Variants in MTIF2 observed in about 807,000 individuals in gnomAD.
The protein encoded by MTIF2 is mitochondrial translational initiation factor 2, also known as translation initiation factor IF-2, mitochondrial.
MTIF2 carries 71 observed loss-of-function variants against 83.5 expected under a neutral mutation model. The observed-to-expected ratio is 0.85, with a 90% CI of 0.70 to 1.04. The LOEUF (loss-of-function observed/expected upper bound fraction) is 1.04. Ranked by LOEUF, MTIF2 falls within the 50% of genes least tolerant of loss-of-function variation. MTIF2 has a pLI of 0.00. For synonymous variants in MTIF2, 319 were observed against 287.1 expected (o/e 1.11, Z -1.12); for missense variants, 957 against 846.5 (o/e 1.13, Z -1.62).
chr2:55,242,195 T>G (rs919704228), intron 13 of MTIF2, among the ~76,000 whole-genome samples: 2 of 151,768 alleles, frequency 1.3e-5, no homozygotes, highest in African/African-American at 4.8e-5. Context: ...CAATACACTA[T>G]CTGTATTACA....
At chr2:55,253,017 G>C (rs377094480) in intron 7 of MTIF2, among the ~76,000 whole-genome samples, 1 of 152,220 alleles carries the variant, frequency 6.6e-6, no homozygotes, top group Admixed American at 6.5e-5. Flanking sequence ...CTGAGCCACA[G>C]AGAGGCAATT....
At position 55,263,957 on chromosome 2, in the gene MTIF2, C is replaced by T. The variant is rs1558584114; in HGVS notation, c.-7-92G>A. 9 of 920,404 alleles carry T rather than the reference C, an allele frequency of 9.8e-6. No homozygotes were observed. The Admixed American group carries it at 1.7e-4, about 17-fold the overall frequency. The allele number at this position is 920,404 out of a possible 1,614,324, so 57.0% of individuals were successfully genotyped here. ...ACTATATGCATAGCACTGGACTACA[C>T]TTAGCTCACTAGACTTACAACAATG... On this transcript the variant is annotated intron_variant, in intron 3 of 15. Transcript: ENST00000263629.
At position 55,240,168 on chromosome 2, in the gene MTIF2, T is replaced by C. The variant is rs1676197943; in HGVS notation, c.1713A>G (p.Ile571Met). Residue 571 changes from isoleucine to methionine, a missense_variant, in exon 14 of 16, where the codon ATA becomes ATG. Ile to Met is a conservative substitution (Grantham distance 10). Around this residue, in one of 3 missense-constraint regions of MTIF2, gnomAD observed 221 missense variants for 180.6 expected, o/e 1.22. Transcript: ENST00000263629. ...TGCCTGCATTCACATTAAAGCCATATATAACACCTAGCAAACAGAAATATG... is the reference window on the plus strand; with the variant it reads ...TGCCTGCATTCACATTAAAGCCATACATAACACCTAGCAAACAGAAATATG... Reference protein sequence around the residue: ...VNLAETFDGVIYGFNVNAGNV... With the variant: ...VNLAETFDGVMYGFNVNAGNV... 1.2e-6 allele frequency: 2 copies of C among 1,609,284 alleles called. No homozygotes were observed. The highest frequency in any genetic ancestry group is 1.7e-5 in the Admixed American group (1 of 59,854).
chr2:55,255,444 A>AAT lies in MTIF2; in HGVS notation c.332-621_332-620dup, dbSNP rs199595431. Among the ~76,000 whole-genome samples, 60 of 146,270 alleles carry AAT rather than the reference A, an allele frequency of 4.1e-4. 1 individual carries two copies. Among genetic ancestry groups the AAT allele is most frequent in the South Asian group, 8.4e-4 (4 of 4,750 alleles). On this transcript the variant is annotated intron_variant, in intron 5 of 15. Coordinates refer to ENST00000263629, the MANE Select transcript of MTIF2 (RefSeq NM_002453.3). ...TATCTCAATATGATATATTATGTATAATATATATATATAAATCAAATATGT... is the reference window on the plus strand; with the variant it reads ...TATCTCAATATGATATATTATGTATAATATATATATATATAAATCAAATATGT...
chr2:55,261,343 C>T (rs915046469), intron 5 of MTIF2, among the ~76,000 whole-genome samples: 4 of 151,974 alleles, frequency 2.6e-5, no homozygotes, highest in Non-Finnish European at 4.4e-5. Context: ...GGTGGGATCA[C>T]GCCCCTAATC....
chr2:55,239,356 G>A (rs930144101), intron 14 of MTIF2, among the ~76,000 whole-genome samples: 1 of 152,294 alleles, frequency 6.6e-6, no homozygotes, highest in South Asian at 2.1e-4. Flanking sequence ...AAAACATCAC[G>A]TGTGCATGGA....
intron 13 of MTIF2, among the ~76,000 whole-genome samples, chr2:55,241,134 C>G (rs1348919393): frequency 6.6e-6 from 1 of 151,356 alleles, no homozygotes; most frequent in Non-Finnish European, 1.5e-5. Flanking sequence ...AAAAATTAAC[C>G]TGGACGGGCA....
At chr2:55,240,523 G>A (rs113094024) in intron 13 of MTIF2, among the ~76,000 whole-genome samples, 84 of 152,192 alleles carry the variant, frequency 5.5e-4, no homozygotes, top group African/African-American at 2.0e-3. Flanking sequence ...AGGTTGCAGT[G>A]AGCTGAGATC....
At chr2:55,237,552 AG>A in intron 14 of MTIF2, 124 bp from the exon 15 acceptor site, 1 of 850,716 alleles carries the variant, frequency 1.2e-6, no homozygotes, top group African/African-American at 1.8e-5. Context: ...CCTAGAAAAA[AG>A]TCTGGGTTTC....
Position 55,244,248 on chromosome 2 carries a change from A to G in MTIF2, c.1107-15T>C, listed in dbSNP as rs1161823483. The stretch of plus-strand genomic sequence containing the variant: ...TAGTAACAAGACTAAAATGAAAATA[A>G]AAGTATATTTTCAATGTCATAATGT... On this transcript the variant is annotated splice_polypyrimidine_tract_variant and intron_variant, in intron 10 of 15. Transcript: ENST00000263629. 1 of 1,572,386 alleles carries G rather than the reference A, an allele frequency of 6.4e-7. No homozygotes were observed. Among genetic ancestry groups the G allele is most frequent in the South Asian group, 1.1e-5 (1 of 89,380 alleles).
At chr2:55,252,749 T>G in intron 7 of MTIF2, 96 bp from the exon 8 acceptor site, 1 of 817,706 alleles carries the variant, frequency 1.2e-6, no homozygotes, top group South Asian at 2.4e-5. Context: ...CATCAATAAT[T>G]CTTTAAAATA....
At chr2:55,239,685 A>G (rs1486570332) in intron 14 of MTIF2, among the ~76,000 whole-genome samples, 2 of 152,196 alleles carry the variant, frequency 1.3e-5, no homozygotes, top group Non-Finnish European at 2.9e-5. Context: ...AACAAAGTCA[A>G]CAGCTCTTTC....
At chr2:55,239,896 G>A (rs1431024543) in intron 14 of MTIF2, 115 bp downstream of exon 14, 3 of 890,702 alleles carry the variant, frequency 3.4e-6, no homozygotes, top group Non-Finnish European at 4.9e-6. Flanking sequence ...TTTTTTTCTA[G>A]AACACAGGAT....
At chr2:55,253,458 C>A (rs1333037259) in intron 7 of MTIF2, among the ~76,000 whole-genome samples, 4 of 151,784 alleles carry the variant, frequency 2.6e-5, no homozygotes, top group Non-Finnish European at 5.9e-5. Context: ...ATGGGCAGAT[C>A]ACTTGAGGTC....
At chr2:55,241,874 A>C (rs1184439806) in intron 13 of MTIF2, among the ~76,000 whole-genome samples, 1 of 152,034 alleles carries the variant, frequency 6.6e-6, no homozygotes, top group Non-Finnish European at 1.5e-5. Context: ...TTGGCTAGGC[A>C]CAACGGCTCA....
chr2:55,251,685 A>G (rs1386010916), intron 8 of MTIF2, among the ~76,000 whole-genome samples: 7 of 152,172 alleles, frequency 4.6e-5, no homozygotes. Flanking sequence ...GTGCAATGGC[A>G]CAATCTCGGC....
intron 8 of MTIF2, among the ~76,000 whole-genome samples, chr2:55,250,749 A>C (rs1197042588): frequency 6.6e-6 from 1 of 152,064 alleles, no homozygotes; most frequent in Non-Finnish European, 1.5e-5. Context: ...CATCTCTGTA[A>C]TTTTCTCAGG....
intron 4 of MTIF2, among the ~76,000 whole-genome samples, chr2:55,263,122 A>C (rs1275271350): frequency 6.6e-6 from 1 of 152,178 alleles, no homozygotes; most frequent in Non-Finnish European, 1.5e-5. Flanking sequence ...TGGCCTCCCA[A>C]AGTGCTGGGA....
At chr2:55,255,907 G>A (rs186161084) in intron 5 of MTIF2, among the ~76,000 whole-genome samples, 16 of 151,426 alleles carry the variant, frequency 1.1e-4, no homozygotes, top group Admixed American at 1.3e-4. Context: ...ACAGAGTTTC[G>A]CTTTTGTTAC....
Sources: allele counts gnomAD v4.1 joint callset (sites outside exome capture counted in the v4.1 genomes callset), GRCh38; gene constraint gnomAD v4.1.1; regional missense constraint gnomAD v4.1.1; transcripts MANE v1.5; gene names NCBI Gene and HGNC (gene_info 2026-07-23, HGNC 2026-07-21).